The following AZIN2 variants were observed in gnomAD, a reference collection of about 807,000 sequenced individuals.
AZIN2 encodes ODC antizyme inhibitor-2.
A neutral mutation model predicts 47.8 loss-of-function variants in AZIN2; 28 were observed. The ratio of observed to expected loss-of-function variants is 0.59; its 90% confidence interval spans 0.43 to 0.80. AZIN2 has a LOEUF of 0.80. AZIN2 is among the 30% of genes least tolerant of loss of function. AZIN2 has a pLI of 0.00. For missense variants in AZIN2, 535 were observed against 582.5 expected (o/e 0.92, Z 0.84); for synonymous variants, 221 against 239.4 (o/e 0.92, Z 0.71).
intron 10 of AZIN2, among the ~76,000 whole-genome samples, chr1:33,103,407 C>T (rs1275256032): frequency 1.3e-5 from 2 of 152,080 alleles, no homozygotes; most frequent in Non-Finnish European, 2.9e-5. Context: ...CCTTTGCATT[C>T]GCTCGCCCAG....
rs1644810175 is a variant in AZIN2, at chr1:33,122,334, G to C, written c.*2152G>C. On this transcript the variant is annotated 3_prime_UTR_variant, in exon 12 of 12. Coordinates refer to ENST00000294517, the MANE Select transcript of AZIN2 (RefSeq NM_052998.4). ...ATGACAGTGGCTGTCATGGAGTTTGGATGGATTTCTCACTGGAGCCTTTCT... is the reference window on the plus strand; with the variant it reads ...ATGACAGTGGCTGTCATGGAGTTTGCATGGATTTCTCACTGGAGCCTTTCT... Among the ~76,000 whole-genome samples the C allele has an allele frequency of 6.6e-6, 1 of 152,198 alleles. No individual in the cohort carries two copies. The highest frequency in any genetic ancestry group is 1.5e-5 in the Non-Finnish European group (1 of 68,036).
At chr1:33,147,171 C>T in the AZIN2 span, 1 of 1,612,130 alleles carries the variant, frequency 6.2e-7, no homozygotes, top group South Asian at 1.1e-5. This position sits in a 1 kb window ranked among gnomAD's most constrained non-coding sequence, Gnocchi z 8.1. Flanking sequence ...TCTCCTTCTG[C>T]CTGGACTAGA....
intron 10 of AZIN2, among the ~76,000 whole-genome samples, chr1:33,108,880 A>G (rs1029997679): frequency 1.3e-5 from 2 of 152,240 alleles, no homozygotes; most frequent in Admixed American, 1.3e-4. Flanking sequence ...TCCTTTGGGT[A>G]AATACTAAGG....
intron 5 of AZIN2, 143 bp from the exon 6 acceptor site, chr1:33,091,907 A>T: frequency 1.3e-6 from 1 of 777,968 alleles, no homozygotes; most frequent in Non-Finnish European, 2.1e-6. Context: ...CCTGATATCT[A>T]TGTATCTGTT....
chr1:33,094,134 G>A (rs1642882554), intron 7 of AZIN2, among the ~76,000 whole-genome samples: 1 of 152,236 alleles, frequency 6.6e-6, no homozygotes, highest in African/African-American at 2.4e-5. Context: ...GTACTTAGGT[G>A]TGCCAGGTGC....
chr1:33,099,026 A>G (rs1643439851), intron 10 of AZIN2, among the ~76,000 whole-genome samples: 1 of 152,028 alleles, frequency 6.6e-6, no homozygotes, highest in Non-Finnish European at 1.5e-5. Flanking sequence ...TGGCCTCCCA[A>G]AGTGCTGGGA....
the AZIN2 span, among the ~76,000 whole-genome samples, chr1:33,139,384 A>G: frequency 5.3e-5 from 8 of 152,212 alleles, no homozygotes; most frequent in Non-Finnish European, 8.8e-5. Flanking sequence ...ATGCAAAACC[A>G]TAGGACAGGA....
rs1324225617 is a variant in AZIN2 at position 33,121,495 on chromosome 1, G to A, written c.*1313G>A. ...GGAGAATCACTTGAACAGGGAGGTG[G>A]AGGTCGCAGTGAGCCGAGGTTGCAG... On this transcript the variant is annotated 3_prime_UTR_variant, in exon 12 of 12. Transcript: ENST00000294517. Among the ~76,000 whole-genome samples, 1 of 152,180 alleles carries A rather than the reference G, an allele frequency of 6.6e-6. No homozygotes were observed. The highest frequency in any genetic ancestry group is 2.4e-5 in the African/African-American group (1 of 41,432).
At chr1:33,165,512 C>T in the AZIN2 span, 7 of 1,610,414 alleles carry the variant, frequency 4.3e-6, no homozygotes, top group East Asian at 2.2e-5. The surrounding 1 kb of genome is among the most constrained non-coding windows in gnomAD (Gnocchi z 4.0). Context: ...TGCAGCGCTT[C>T]GGTGTGTTCC....
At chr1:33,099,447 G>A (rs1454742544) in intron 10 of AZIN2, among the ~76,000 whole-genome samples, 1 of 152,226 alleles carries the variant, frequency 6.6e-6, no homozygotes, top group Non-Finnish European at 1.5e-5. Flanking sequence ...TCTTGTGGTA[G>A]CCCACATCCT....
At position 33,083,956 on chromosome 1, in the gene AZIN2, C is replaced by T. The variant is rs548012706; in HGVS notation, c.108C>T (p.Asp36=). The T allele has an allele frequency of 4.5e-5, 72 of 1,614,076 alleles. No homozygotes were observed. Among genetic ancestry groups the T allele is most frequent in the Admixed American group, 1.2e-4 (7 of 60,032 alleles). ...LTLGASQATT[D]EVAAFFVADL... is the part of the protein sequence containing the mutation. ...TTCATCCACTTCTTGTCATTCAGGACGAGGTAGCTGCCTTCTTCGTGGCTG... is the reference window on the plus strand; with the variant it reads ...TTCATCCACTTCTTGTCATTCAGGATGAGGTAGCTGCCTTCTTCGTGGCTG... Residue 36 remains aspartate, a splice_region_variant and synonymous_variant, in exon 5 of 12, where the codon GAC becomes GAT. Transcript: ENST00000294517.
At chr1:33,151,647 T>A in the AZIN2 span, among the ~76,000 whole-genome samples, 1 of 152,168 alleles carries the variant, frequency 6.6e-6, no homozygotes, top group African/African-American at 2.4e-5. Flanking sequence ...AGAGCTCATT[T>A]CTAAGTCCCG....
rs1553167520 is a variant in AZIN2 at position 33,121,500 on chromosome 1, C to CGCAGTGAGCCGAGGTT, written c.*1332_*1347dup. Among the ~76,000 whole-genome samples, 18 of 152,086 alleles carry CGCAGTGAGCCGAGGTT rather than the reference C, an allele frequency of 1.2e-4. No homozygotes were observed. The highest frequency in any genetic ancestry group is 4.1e-4 in the African/African-American group (17 of 41,390). On this transcript the variant is annotated 3_prime_UTR_variant, in exon 12 of 12. Coordinates refer to ENST00000294517, the MANE Select transcript of AZIN2 (RefSeq NM_052998.4). ...ATCACTTGAACAGGGAGGTGGAGGT[C>CGCAGTGAGCCGAGGTT]GCAGTGAGCCGAGGTTGCAGTGAGC...
In AZIN2 at chr1:33,098,160, C is replaced by G. The variant is rs367593136; in HGVS notation, c.1010C>G (p.Pro337Arg). 1.2e-6 allele frequency: 2 copies of G among 1,612,142 alleles called. No homozygotes were observed. Among genetic ancestry groups the G allele is most frequent in the African/African-American group, 2.7e-5 (2 of 74,860 alleles). ...TCAGTCCTGTTTGACAACATCTGCC[C>G]TACCCCCATCCTGCAGAAGGTGAGC... is the stretch of plus-strand genomic sequence containing the variant. ...FNSVLFDNIC[P>R]TPILQKKPST... Residue 337 changes from proline to arginine, a missense_variant, in exon 10 of 12, where the codon CCT becomes CGT. Physicochemically the swap from Pro to Arg is moderately radical, Grantham distance 103. Transcript: ENST00000294517.
the AZIN2 span, among the ~76,000 whole-genome samples, chr1:33,128,725 A>G: frequency 7.9e-5 from 12 of 152,228 alleles, no homozygotes; most frequent in South Asian, 1.0e-3. Flanking sequence ...GTGAGGTCCT[A>G]TAACTTGTCT....
chr1:33,115,078 G>T (rs909429162), intron 10 of AZIN2, among the ~76,000 whole-genome samples: 2 of 152,188 alleles, frequency 1.3e-5, no homozygotes, highest in Non-Finnish European at 2.9e-5. Flanking sequence ...GCTAGGTGCA[G>T]CCAGGAGGCT....
In AZIN2 at chr1:33,117,934, C is replaced by G; in HGVS notation, c.1062C>G (p.Ser354Arg). The G allele has an allele frequency of 6.2e-7, 1 of 1,614,010 alleles. No individual in the cohort carries two copies. The highest frequency in any genetic ancestry group is 1.1e-5 in the South Asian group (1 of 91,068). ...KPSTEQPLYSSSLWGPAVDGC... is the reference protein window; with the variant it reads ...KPSTEQPLYSRSLWGPAVDGC... ...CCACGGAGCAGCCCCTGTACAGCAG[C>G]AGCCTGTGGGGCCCGGCGGTTGATG... is the stretch of plus-strand genomic sequence containing the variant. Residue 354 changes from serine to arginine, a missense_variant, in exon 11 of 12, where the codon AGC becomes AGG. Transcript: ENST00000294517.
At chr1:33,159,636 G>A in the AZIN2 span, 38 of 1,565,400 alleles carry the variant, frequency 2.4e-5, no homozygotes, top group African/African-American at 3.9e-4. This position sits in a 1 kb window ranked among gnomAD's most constrained non-coding sequence, Gnocchi z 4.2. Flanking sequence ...TGCCCAGCAT[G>A]GGTCGAGGAG....
In AZIN2 at chr1:33,083,805, G is replaced by A. The variant is rs1569858101; in HGVS notation, c.106-149G>A. On this transcript the variant is annotated intron_variant, in intron 4 of 11. Transcript: ENST00000294517. ...GGCTGAGGAGTTTGCCTTCTGCCCT[G>A]TAGGCTTGGGGAGGCCCAGAAAACT... 4 of 866,702 alleles carry A rather than the reference G, an allele frequency of 4.6e-6. No homozygotes were observed. In the East Asian group the frequency reaches 7.9e-5, roughly 17 times the overall value. The allele number at this position is 866,702 out of a possible 1,614,324, so 53.7% of individuals were successfully genotyped here.
Sources: allele counts gnomAD v4.1 joint callset (sites outside exome capture counted in the v4.1 genomes callset), GRCh38; gene constraint gnomAD v4.1.1; non-coding constraint Gnocchi (gnomAD v3.1); transcripts MANE v1.5; gene names NCBI Gene and HGNC (gene_info 2026-07-23, HGNC 2026-07-21).